Variants in ACCSL observed in about 807,000 individuals in gnomAD.
The protein encoded by ACCSL is probable inactive 1-aminocyclopropane-1-carboxylate synthase-like protein 2.
A neutral mutation model predicts 61.7 loss-of-function variants in ACCSL; 55 were observed. That is an observed-to-expected ratio of 0.89 (90% CI 0.72 to 1.12). ACCSL has a LOEUF of 1.12. Among genes scored for constraint, ACCSL ranks in the 50% most tolerant of loss-of-function variants. The pLI is 0.00. For synonymous variants in ACCSL, 258 were observed against 264.3 expected (o/e 0.98, Z 0.23); for missense variants, 632 against 698.0 (o/e 0.91, Z 1.07).
At chr11:44,001,297 A>G in the ACCSL span, 11 of 151,554 alleles carry the variant, frequency 7.3e-5, no homozygotes, top group African/African-American at 2.7e-4. Flanking sequence ...TGCAAGCAAG[A>G]GTCCTGCTTG....
At chr11:43,953,219 A>G in the ACCSL span, among the ~76,000 whole-genome samples, 4 of 152,112 alleles carry the variant, frequency 2.6e-5, no homozygotes, top group African/African-American at 9.7e-5. Context: ...CCTTGCTGAT[A>G]AAAGGATGAG....
chr11:44,049,256 C>CA (rs1365017469), intron 1 of ACCSL, among the ~76,000 whole-genome samples: 4 of 151,676 alleles, frequency 2.6e-5, no homozygotes, highest in South Asian at 4.2e-4. Context: ...CTCATCTCTA[C>CA]AAAAAATACA....
chr11:44,026,224 C>G, the ACCSL span, among the ~76,000 whole-genome samples: 1 of 151,980 alleles, frequency 6.6e-6, no homozygotes, highest in Non-Finnish European at 1.5e-5. Context: ...ATTCTTTTTT[C>G]TTTCTGCTAA....
chr11:43,996,222 C>G, the ACCSL span, among the ~76,000 whole-genome samples: 2 of 152,230 alleles, frequency 1.3e-5, no homozygotes, highest in Non-Finnish European at 2.9e-5. Flanking sequence ...TTCTGTTGTT[C>G]AAGCCCCCCA....
At chr11:43,978,219 A>T in the ACCSL span, among the ~76,000 whole-genome samples, 1 of 151,926 alleles carries the variant, frequency 6.6e-6, no homozygotes, top group Non-Finnish European at 1.5e-5. Flanking sequence ...CATGTTGGCC[A>T]GGCTGGTCTC....
At chr11:44,014,631 C>T in the ACCSL span, among the ~76,000 whole-genome samples, 5 of 152,140 alleles carry the variant, frequency 3.3e-5, no homozygotes, top group Non-Finnish European at 5.9e-5. Flanking sequence ...TGGGAGGGGC[C>T]TGCACAAGGG....
intron 2 of ACCSL, 30 bp downstream of exon 2, chr11:44,050,151 C>T (rs1380704391): frequency 1.9e-6 from 3 of 1,589,720 alleles, no homozygotes; most frequent in South Asian, 1.1e-5. Context: ...TGTTGGGACC[C>T]ACCCCTTCAA....
chr11:44,031,484 C>G, the ACCSL span, among the ~76,000 whole-genome samples: 1 of 152,134 alleles, frequency 6.6e-6, no homozygotes, highest in Non-Finnish European at 1.5e-5. Context: ...AAGACAGAGG[C>G]TCCATGGGCT....
chr11:43,934,321 G>T, the ACCSL span, among the ~76,000 whole-genome samples: 1 of 152,054 alleles, frequency 6.6e-6, no homozygotes, highest in African/African-American at 2.4e-5. Flanking sequence ...GGGCCCCCTG[G>T]GGGTGGAGTG....
intron 3 of ACCSL, 70 bp from the exon 4 acceptor site, chr11:44,051,265 A>G: frequency 3.3e-6 from 5 of 1,522,546 alleles, no homozygotes; most frequent in Non-Finnish European, 4.6e-6. Context: ...TAGGCTGGAC[A>G]ATGACCATCT....
chr11:44,050,098 T>C lies in ACCSL; in HGVS notation c.541T>C (p.Cys181Arg), dbSNP rs1446819040. ...INLGTSENKL[C>R]MDLMTERLQE... ...CCTTGGCACCAGTGAGAACAAGCTCTGCATGGATCTGATGACTGAAAGAGT... is the reference window on the plus strand; with the variant it reads ...CCTTGGCACCAGTGAGAACAAGCTCCGCATGGATCTGATGACTGAAAGAGT... The change falls in exon 2 of 14, where the codon TGC becomes CGC. Residue 181 changes from cysteine (C) to arginine (R), a missense_variant. Cys to Arg is a radical substitution (Grantham distance 180, BLOSUM62 -3). Transcript: ENST00000378832. The C allele has an allele frequency of 6.2e-7, 1 of 1,613,082 alleles. No individual in the cohort carries two copies. The highest frequency in any genetic ancestry group is 1.7e-5 in the Admixed American group (1 of 60,034).
the ACCSL span, among the ~76,000 whole-genome samples, chr11:44,039,976 G>A: frequency 1.4e-4 from 21 of 152,226 alleles, no homozygotes; most frequent in African/African-American, 4.3e-4. Context: ...GGGGAGGTAG[G>A]TTTCATTACT....
At chr11:44,055,672 C>T (rs948142112) in intron 9 of ACCSL, among the ~76,000 whole-genome samples, 4 of 152,208 alleles carry the variant, frequency 2.6e-5, no homozygotes, top group Non-Finnish European at 5.9e-5. Flanking sequence ...AAATGCCTGG[C>T]AGAAGGAATA....
chr11:44,025,336 T>A, the ACCSL span, among the ~76,000 whole-genome samples: 1 of 152,286 alleles, frequency 6.6e-6, no homozygotes, highest in South Asian at 2.1e-4. Flanking sequence ...AAAATTACTT[T>A]CTTAGTGGTT....
At chr11:43,981,512 A>G in the ACCSL span, among the ~76,000 whole-genome samples, 2 of 152,246 alleles carry the variant, frequency 1.3e-5, no homozygotes, top group Non-Finnish European at 2.9e-5. Flanking sequence ...TTTTTGATCA[A>G]TGTCAATATG....
the ACCSL span, among the ~76,000 whole-genome samples, chr11:44,003,458 G>A: frequency 6.6e-6 from 1 of 152,084 alleles, no homozygotes. Context: ...TTCAAGACCA[G>A]CCTGGCCAAC....
At chr11:44,053,303 A>G in intron 7 of ACCSL, 103 bp from the exon 8 acceptor site, 1 of 1,161,758 alleles carries the variant, frequency 8.6e-7, no homozygotes, top group South Asian at 1.4e-5. Context: ...TCAAGACCCT[A>G]CCTAGGCCTT....
At chr11:43,998,192 G>A in the ACCSL span, among the ~76,000 whole-genome samples, 2 of 152,174 alleles carry the variant, frequency 1.3e-5, no homozygotes, top group Non-Finnish European at 2.9e-5. Flanking sequence ...GTTCAGCCAG[G>A]ACAGTCACAT....
At chr11:44,044,984 C>T (rs967810972), upstream of ACCSL, among the ~76,000 whole-genome samples, 2 of 152,158 alleles carry the variant, frequency 1.3e-5, no homozygotes, top group African/African-American at 2.4e-5. Context: ...GGTATACCCC[C>T]GGTACCAGAC....
Sources: allele counts gnomAD v4.1 joint callset (sites outside exome capture counted in the v4.1 genomes callset), GRCh38; gene constraint gnomAD v4.1.1; transcripts MANE v1.5; gene names NCBI Gene and HGNC (gene_info 2026-07-23, HGNC 2026-07-21).